Variants in DERA observed in about 807,000 individuals in gnomAD.
DERA encodes the protein deoxyribose-phosphate aldolase.
Under a neutral mutation model 41.1 loss-of-function variants are expected in DERA, and 15 were observed. The ratio of observed to expected loss-of-function variants is 0.37; its 90% CI spans 0.24 to 0.56. The LOEUF (loss-of-function observed/expected upper bound fraction) is 0.56, where lower values mean the gene tolerates loss of function less well. Ranked by LOEUF, DERA falls within the 20% of genes least tolerant of loss-of-function variation. The pLI is 0.81. For synonymous variants in DERA, 139 were observed against 137.4 expected (o/e 1.01, Z -0.08); for missense variants, 396 against 403.4 (o/e 0.98, Z 0.16).
At chr12:16,024,989 G>C (rs1278815396) in intron 6 of DERA, among the ~76,000 whole-genome samples, 1 of 152,180 alleles carries the variant, frequency 6.6e-6, no homozygotes, top group South Asian at 2.1e-4. Context: ...CTATGTAGTG[G>C]TATAGTGTTA....
Position 16,036,501 on chromosome 12 carries a change from C to G in DERA, c.900+120C>G, listed in dbSNP as rs1166160086. 1 of 1,244,970 alleles carries G rather than the reference C, an allele frequency of 8.0e-7. No individual in the cohort carries two copies. The highest frequency in any genetic ancestry group is 1.5e-5 in the African/African-American group (1 of 65,624). 77.1% of individuals were successfully genotyped at this position (1,244,970 alleles called of 1,614,324 possible). ...CTGATTGACCTCATCCTACCCAATCCTCTACCTTTTCTTCCAAGCAAACCG... is the reference window on the plus strand; with the variant it reads ...CTGATTGACCTCATCCTACCCAATCGTCTACCTTTTCTTCCAAGCAAACCG... On this transcript the variant is annotated intron_variant, in intron 8 of 8. Coordinates refer to ENST00000428559, the MANE Select transcript of DERA (RefSeq NM_015954.4). This position sits in a 1 kb window ranked among gnomAD's most constrained non-coding sequence, Gnocchi z 4.9.
chr12:15,995,912 T>C lies in DERA; in HGVS notation c.637+13476T>C, dbSNP rs979027661. Among the ~76,000 whole-genome samples the C allele has an allele frequency of 9.9e-5, 15 of 152,268 alleles. No individual in the cohort carries two copies. The highest frequency in any genetic ancestry group is 3.4e-4 in the African/African-American group (14 of 41,558). On this transcript the variant is annotated intron_variant, in intron 6 of 8. Transcript: ENST00000428559. This position sits in a 1 kb window ranked among gnomAD's most constrained non-coding sequence, Gnocchi z 5.1. ...AGGACTAGGACCAACTTTTAGACAT[T>C]GTGGGAAGATGGCTTTTGAGCTAGT...
At chr12:16,016,504 T>A (rs1397225664) in intron 6 of DERA, among the ~76,000 whole-genome samples, 1 of 152,066 alleles carries the variant, frequency 6.6e-6, no homozygotes, top group Non-Finnish European at 1.5e-5. Flanking sequence ...TACAGTTGTT[T>A]GAAAGATTAA....
intron 5 of DERA, chr12:15,971,949 T>C: frequency 3.5e-6 from 1 of 281,914 alleles, no homozygotes; most frequent in African/African-American, 2.3e-5. Flanking sequence ...TTTTGGCTTC[T>C]GTCCTTTCTT....
rs189758216 is a variant in DERA, at chr12:15,937,494, G to A, written c.32-19442G>A. ...TTTCCCGCTTTGACCTGCATGTCCT[G>A]TATGAGTTGATACTCCAATACCATG... is the stretch of plus-strand genomic sequence containing the variant. On this transcript the variant is annotated intron_variant, in intron 1 of 8. Coordinates refer to ENST00000428559, the MANE Select transcript of DERA (RefSeq NM_015954.4). 5.9e-3 allele frequency among the ~76,000 whole-genome samples: 901 copies of A among 152,252 alleles called. 4 individuals are homozygous for A. Among genetic ancestry groups the A allele is most frequent in the Non-Finnish European group, 7.7e-3 (525 of 68,028 alleles).
chr12:15,973,970 G>T (rs1450943613), intron 5 of DERA, among the ~76,000 whole-genome samples: 1 of 152,036 alleles, frequency 6.6e-6, no homozygotes, highest in African/African-American at 2.4e-5. Flanking sequence ...TGTAAAATTG[G>T]TACGCAAAAC....
At chr12:16,033,430 A>G (rs1949106223) in intron 7 of DERA, among the ~76,000 whole-genome samples, 1 of 152,202 alleles carries the variant, frequency 6.6e-6, no homozygotes, top group Admixed American at 6.5e-5. Flanking sequence ...AAAATGATAC[A>G]TATTTTTTGA....
chr12:16,024,171 A>G (rs532788350), intron 6 of DERA, among the ~76,000 whole-genome samples: 7 of 152,238 alleles, frequency 4.6e-5, no homozygotes, highest in Non-Finnish European at 1.0e-4. Flanking sequence ...CAGTTTCAAA[A>G]GGCATAACAT....
At chr12:16,033,605 G>GTGTGTGTA (rs1555160595) in intron 7 of DERA, among the ~76,000 whole-genome samples, 2 of 150,932 alleles carry the variant, frequency 1.3e-5, no homozygotes, top group Non-Finnish European at 3.0e-5. Context: ...GTGTGTGTGT[G>GTGTGTGTA]TGTGTGTGTG....
intron 6 of DERA, among the ~76,000 whole-genome samples, chr12:16,029,913 CTTTTTT>C (rs71438364): frequency 1.0e-4 from 6 of 59,688 alleles, no homozygotes; most frequent in Admixed American, 5.7e-4. Flanking sequence ...TAGCCTTGGT[CTTTTTT>C]TTTTTTTTTT....
chr12:15,911,409 A>T lies in DERA; in HGVS notation c.26A>T (p.Glu9Val), dbSNP rs1948162388. The T allele has an allele frequency of 7.1e-7, 1 of 1,406,254 alleles. No homozygotes were observed. Among genetic ancestry groups the T allele is most frequent in the Non-Finnish European group, 9.2e-7 (1 of 1,091,186 alleles). The allele number at this position is 1,406,254 out of a possible 1,614,324, so 87.1% of individuals were successfully genotyped here. The change falls in exon 1 of 9, where the codon GAG (glutamate) becomes GTG (valine). Residue 9 changes from glutamate to valine, a missense_variant. Transcript: ENST00000428559. The surrounding 1 kb of genome is among the most constrained non-coding windows in gnomAD (Gnocchi z 4.5). ...ATGTCCGCGCACAATCGGGGCACCG[A>T]GCTCGGTAAGGGGCCCGCGGGGCTC... MSAHNRGTELDLSWISKIQ... is the reference protein window; with the variant it reads MSAHNRGTVLDLSWISKIQ...
intron 5 of DERA, among the ~76,000 whole-genome samples, chr12:15,979,533 A>G (rs1350409785): frequency 6.6e-6 from 1 of 152,238 alleles, no homozygotes; most frequent in Non-Finnish European, 1.5e-5. Flanking sequence ...CTTTTGATTT[A>G]ATTGTTCTGA....
intron 1 of DERA, among the ~76,000 whole-genome samples, chr12:15,912,724 G>T (rs1948173437): frequency 6.6e-6 from 1 of 152,204 alleles, no homozygotes; most frequent in African/African-American, 2.4e-5. Flanking sequence ...AAAATTGGCT[G>T]TAAATTATAT....
At position 15,990,632 on chromosome 12, in the gene DERA, C is replaced by T. The variant is rs1267530060; in HGVS notation, c.637+8196C>T. On this transcript the variant is annotated intron_variant, in intron 6 of 8. Coordinates refer to ENST00000428559, the MANE Select transcript of DERA (RefSeq NM_015954.4). The surrounding 1 kb of genome is among the most constrained non-coding windows in gnomAD (Gnocchi z 4.3). Reference sequence around the variant, plus strand: ...TCCAAACTCCAAAAGACCCCAGTGTCTGTTATTCTCCTTGATGTGTCTATG... The same window carrying T: ...TCCAAACTCCAAAAGACCCCAGTGTTTGTTATTCTCCTTGATGTGTCTATG... 2.6e-5 allele frequency among the ~76,000 whole-genome samples: 4 copies of T among 152,042 alleles called. No individual in the cohort carries two copies. Among genetic ancestry groups the T allele is most frequent in the Non-Finnish European group, 5.9e-5 (4 of 67,994 alleles).
In DERA at chr12:15,997,633, A is replaced by C. The variant is rs1948847618; in HGVS notation, c.637+15197A>C. ...AAACTACATATCTAAAGACAGGGAA[A>C]TATAGCATGGAACTTTTTTCTCTTT... On this transcript the variant is annotated intron_variant, in intron 6 of 8. Coordinates refer to ENST00000428559, the MANE Select transcript of DERA (RefSeq NM_015954.4). 2.6e-5 allele frequency among the ~76,000 whole-genome samples: 4 copies of C among 151,806 alleles called. 1 individual carries two copies. The highest frequency in any genetic ancestry group is 2.6e-4 in the Admixed American group (4 of 15,282).
In DERA at chr12:15,972,124, G is replaced by A. The variant is rs565756955; in HGVS notation, c.508+9177G>A. On this transcript the variant is annotated intron_variant, in intron 5 of 8. Coordinates refer to ENST00000428559, the MANE Select transcript of DERA (RefSeq NM_015954.4). This position sits in a 1 kb window ranked among gnomAD's most constrained non-coding sequence, Gnocchi z 4.4. ...GAAAATAGCCATAGGATCCCACCGT[G>A]TAGCCTGGTATCCCAGTTCTTGTTC... 45 of 169,284 alleles carry A rather than the reference G, an allele frequency of 2.7e-4. No individual in the cohort carries two copies. In the South Asian group the frequency reaches 6.2e-3, roughly 23 times the overall value. The allele number at this position is 169,284 out of a possible 1,614,324, so 10.5% of individuals were successfully genotyped here.
intron 6 of DERA, among the ~76,000 whole-genome samples, chr12:16,028,394 G>T (rs982203053): frequency 6.6e-6 from 1 of 152,192 alleles, no homozygotes; most frequent in Non-Finnish European, 1.5e-5. Flanking sequence ...ATCTTCAAGT[G>T]TATACTGATA....
intron 1 of DERA, among the ~76,000 whole-genome samples, chr12:15,945,161 C>T (rs1371288940): frequency 1.3e-5 from 2 of 152,062 alleles, no homozygotes; most frequent in African/African-American, 4.8e-5. Flanking sequence ...AGTCAGGTAG[C>T]GTGATACCTC....
chr12:15,965,402 A>T lies in DERA; in HGVS notation c.508+2455A>T, dbSNP rs958598661. Reference sequence around the variant, plus strand: ...GCACCTATCAACCCATCACCTAGGTAGGTATTAAGTGCCTCATGCATTAGC... The same window carrying T: ...GCACCTATCAACCCATCACCTAGGTTGGTATTAAGTGCCTCATGCATTAGC... On this transcript the variant is annotated intron_variant, in intron 5 of 8. Coordinates refer to ENST00000428559, the MANE Select transcript of DERA (RefSeq NM_015954.4). The surrounding 1 kb of genome is among the most constrained non-coding windows in gnomAD (Gnocchi z 4.1). Among the ~76,000 whole-genome samples the T allele has an allele frequency of 6.6e-6, 1 of 152,152 alleles. No homozygotes were observed. The highest frequency in any genetic ancestry group is 2.4e-5 in the African/African-American group (1 of 41,438).
Sources: gnomAD v4.1 joint callset for allele counts (sites outside exome capture counted in the v4.1 genomes callset) on GRCh38, gnomAD v4.1.1 for gene constraint, Gnocchi (gnomAD v3.1) non-coding constraint, MANE v1.5 for transcripts, NCBI Gene and HGNC (gene_info 2026-07-23, HGNC 2026-07-21) for gene names.